Variants in CTNNA2 observed in about 807,000 individuals in gnomAD.
The protein encoded by CTNNA2 is catenin alpha-2.
CTNNA2 carries 42 observed loss-of-function variants against 101.0 expected under a neutral mutation model. That is an observed-to-expected ratio of 0.42 (90% CI 0.32 to 0.54). CTNNA2 has a LOEUF of 0.54. CTNNA2 is among the 20% of genes least tolerant of loss of function. The pLI is 0.14. For missense variants in CTNNA2, 871 were observed against 1,223.1 expected, an observed-to-expected ratio of 0.71 and a Z score of 4.29; for synonymous variants, 450 against 456.4, an observed-to-expected ratio of 0.99 and a Z score of 0.18.
intron 7 of CTNNA2, among the ~76,000 whole-genome samples, chr2:80,343,734 A>C (rs1042597069): frequency 1.3e-5 from 2 of 152,206 alleles, no homozygotes; most frequent in African/African-American, 2.4e-5. Context: ...TAAAAATGTA[A>C]GGAGTGATGT....
chr2:80,036,948 G>A (rs375974818), intron 7 of CTNNA2, among the ~76,000 whole-genome samples: 8 of 152,028 alleles, frequency 5.3e-5, no homozygotes, highest in South Asian at 2.1e-4. Context: ...TGGGAAGAGC[G>A]GAGCTCACAC....
Position 80,344,674 on chromosome 2 carries a change from TG to T in CTNNA2, c.1057-48535del, listed in dbSNP as rs1400464679. Among the ~76,000 whole-genome samples, 5 of 152,274 alleles carry T rather than the reference TG, an allele frequency of 3.3e-5. No individual in the cohort carries two copies. In the East Asian group the frequency reaches 9.7e-4, roughly 29 times the overall value. On this transcript the variant is annotated intron_variant, in intron 7 of 18. Coordinates refer to ENST00000402739, the MANE Select transcript of CTNNA2 (RefSeq NM_001282597.3). ...TATCTTTTTGTATTTTTTGTAGATG[TG>T]GTGTTTCTCCATGTTGCCCAGGCTG...
chr2:79,542,969 A>G (rs565122645), intron 1 of CTNNA2, among the ~76,000 whole-genome samples: 3 of 152,202 alleles, frequency 2.0e-5, no homozygotes, highest in Admixed American at 2.0e-4. Context: ...GTTTGTTTGC[A>G]TTTTCTACCA....
intron 7 of CTNNA2, among the ~76,000 whole-genome samples, chr2:80,032,451 A>G (rs574735617): frequency 6.6e-6 from 1 of 152,312 alleles, no homozygotes; most frequent in South Asian, 2.1e-4. Context: ...ACAAAGGTAA[A>G]ATTTCTATGA....
At chr2:80,521,475 T>C (rs1689542667) in intron 9 of CTNNA2, among the ~76,000 whole-genome samples, 1 of 152,212 alleles carries the variant, frequency 6.6e-6, no homozygotes, top group Non-Finnish European at 1.5e-5. Flanking sequence ...GCAAATGGAA[T>C]TAAGATTTAC....
chr2:79,606,303 T>A (rs936199003), intron 1 of CTNNA2, among the ~76,000 whole-genome samples: 3 of 152,236 alleles, frequency 2.0e-5, no homozygotes, highest in African/African-American at 7.2e-5. Flanking sequence ...AGTCTCGCTC[T>A]GGCACCCAGG....
intron 8 of CTNNA2, among the ~76,000 whole-genome samples, chr2:80,414,381 T>C (rs1679857694): frequency 6.6e-6 from 1 of 152,190 alleles, no homozygotes; most frequent in Admixed American, 6.5e-5. Flanking sequence ...CTTATAAATG[T>C]ATCTCTATTT....
At chr2:79,310,892 T>C (rs1190313828) in intron 2 of CTNNA2, among the ~76,000 whole-genome samples, 1 of 152,222 alleles carries the variant, frequency 6.6e-6, no homozygotes, top group Non-Finnish European at 1.5e-5. Context: ...CTTAGACTTG[T>C]GTATTTCTTT....
chr2:79,876,819 A>G (rs1683057452), intron 6 of CTNNA2, among the ~76,000 whole-genome samples: 1 of 152,168 alleles, frequency 6.6e-6, no homozygotes, highest in Non-Finnish European at 1.5e-5. Flanking sequence ...TTGAATGTTC[A>G]AGGTTTTTTT....
At chr2:79,407,380 G>A in intron 4 of CTNNA2, among the ~76,000 whole-genome samples, 1 of 151,896 alleles carries the variant, frequency 6.6e-6, no homozygotes, top group East Asian at 1.9e-4. Context: ...AACCAATTTG[G>A]GGGAGCAGAT....
chr2:79,946,704 C>T (rs1688514953), intron 7 of CTNNA2, among the ~76,000 whole-genome samples: 2 of 152,098 alleles, frequency 1.3e-5, no homozygotes, highest in African/African-American at 4.8e-5. Flanking sequence ...GTTCTGAGCC[C>T]CCACAGTGGG....
At chr2:80,217,927 G>C (rs1708362256) in intron 7 of CTNNA2, among the ~76,000 whole-genome samples, 1 of 152,136 alleles carries the variant, frequency 6.6e-6, no homozygotes, top group South Asian at 2.1e-4. Context: ...TGTTGCAAAA[G>C]GATCTCATTT....
chr2:79,775,233 G>A (rs1673874370), intron 3 of CTNNA2, among the ~76,000 whole-genome samples: 1 of 152,126 alleles, frequency 6.6e-6, no homozygotes, highest in South Asian at 2.1e-4. Context: ...CTGCAGTTTT[G>A]TGGCATTTTG....
intron 7 of CTNNA2, among the ~76,000 whole-genome samples, chr2:80,027,413 G>A (rs1694997761): frequency 6.6e-6 from 1 of 152,220 alleles, no homozygotes; most frequent in Non-Finnish European, 1.5e-5. Flanking sequence ...TGGTTAGACA[G>A]GTCTACGAAA....
intron 9 of CTNNA2, among the ~76,000 whole-genome samples, chr2:80,511,675 A>C (rs1012704922): frequency 1.3e-5 from 2 of 152,212 alleles, no homozygotes; most frequent in Non-Finnish European, 2.9e-5. Context: ...TCTATAGTTT[A>C]CATAATCTGG....
At chr2:79,337,896 CA>C (rs555389793) in intron 3 of CTNNA2, among the ~76,000 whole-genome samples, 4 of 151,916 alleles carry the variant, frequency 2.6e-5, no homozygotes, top group Non-Finnish European at 5.9e-5. Flanking sequence ...CTGATTTATT[CA>C]AGGAGGTAAG....
chr2:79,249,752 A>G (rs537622866), intron 2 of CTNNA2, among the ~76,000 whole-genome samples: 17 of 152,312 alleles, frequency 1.1e-4, no homozygotes, highest in South Asian at 1.0e-3. Flanking sequence ...ACAGAGAATT[A>G]GACCTTCTTC....
chr2:79,531,195 CATATATATAT>C (rs34087238), intron 1 of CTNNA2, among the ~76,000 whole-genome samples: 1,432 of 110,262 alleles, frequency 0.013, 38 homozygotes, highest in East Asian at 0.12. Context: ...TAGATACGCT[CATATATATAT>C]ATATATATAT....
intron 7 of CTNNA2, among the ~76,000 whole-genome samples, chr2:79,969,232 G>A (rs1435846683): frequency 6.6e-6 from 1 of 152,174 alleles, no homozygotes; most frequent in Non-Finnish European, 1.5e-5. Flanking sequence ...AACAAGAAGA[G>A]CACACATTTA....
Sources: allele counts gnomAD v4.1 joint callset (sites outside exome capture counted in the v4.1 genomes callset), GRCh38; gene constraint gnomAD v4.1.1; transcripts MANE v1.5; gene names NCBI Gene and HGNC (gene_info 2026-07-23, HGNC 2026-07-21).